The following GALNT10 variants were observed in gnomAD, a reference collection of about 807,000 sequenced individuals.
GALNT10 encodes the protein polypeptide N-acetylgalactosaminyltransferase 10, also known as GalNAc transferase 10.
Under a neutral mutation model 75.0 loss-of-function variants are expected in GALNT10, and 41 were observed. The ratio of observed to expected loss-of-function variants is 0.55; its 90% CI spans 0.43 to 0.71. The LOEUF (loss-of-function observed/expected upper bound fraction) is 0.71, where lower values mean the gene tolerates loss of function less well. GALNT10 is among the 30% of genes least tolerant of loss of function. The probability of loss-of-function intolerance (pLI) is 0.00; values close to 1 mark genes in which losing one functional copy is unlikely to be tolerated. For synonymous variants in GALNT10, 302 were observed against 313.0 expected, an observed-to-expected ratio of 0.96 and a Z score of 0.37; for missense variants, 727 against 818.5, an observed-to-expected ratio of 0.89 and a Z score of 1.36.
At position 154,247,432 on chromosome 5, in the gene GALNT10, C is replaced by A. The variant is rs188144818; in HGVS notation, c.160-47384C>A. On this transcript the variant is annotated intron_variant, in intron 1 of 11. Coordinates refer to ENST00000297107, the MANE Select transcript of GALNT10 (RefSeq NM_198321.4). ...GCCATTTTCATGATAATTGATTCTT[C>A]CTACCCGTGAGCATGGAATGTTCTT... Among the ~76,000 whole-genome samples the A allele has an allele frequency of 2.2e-3, 328 of 152,302 alleles. 2 individuals are homozygous for A. In the South Asian group the frequency reaches 0.029, roughly 14 times the overall value.
At chr5:154,255,068 C>T (rs1442833178) in intron 1 of GALNT10, among the ~76,000 whole-genome samples, 1 of 152,088 alleles carries the variant, frequency 6.6e-6, no homozygotes, top group Non-Finnish European at 1.5e-5. Flanking sequence ...GTCTTCCTAC[C>T]TCAGACTCTC....
At chr5:154,372,004 A>G (rs779135196) in intron 4 of GALNT10, among the ~76,000 whole-genome samples, 1 of 152,226 alleles carries the variant, frequency 6.6e-6, no homozygotes, top group Non-Finnish European at 1.5e-5. Context: ...CAAGAGACAT[A>G]AAGCTAAAGG....
chr5:154,249,569 C>A (rs551102256), intron 1 of GALNT10, among the ~76,000 whole-genome samples: 4 of 152,098 alleles, frequency 2.6e-5, no homozygotes, highest in African/African-American at 9.7e-5. Flanking sequence ...CAGCCCCCCC[C>A]AGTAACTTGT....
At chr5:154,257,480 C>T (rs756303616) in intron 1 of GALNT10, among the ~76,000 whole-genome samples, 6 of 152,110 alleles carry the variant, frequency 3.9e-5, no homozygotes, top group Non-Finnish European at 7.4e-5. Context: ...AGAAACTTGT[C>T]TCAAAGTGGC....
chr5:154,380,388 G>A lies in GALNT10; in HGVS notation c.755-60G>A, dbSNP rs1755714779. 6 of 1,300,186 alleles carry A rather than the reference G, an allele frequency of 4.6e-6. No individual in the cohort carries two copies. The Admixed American group carries it at 1.0e-4, about 23-fold the overall frequency. The allele number at this position is 1,300,186 out of a possible 1,614,324, so 80.5% of individuals were successfully genotyped here. On this transcript the variant is annotated intron_variant, in intron 5 of 11. Transcript: ENST00000297107. ...ATACAAGTAAGCTGCAGAACAGGAT[G>A]GTGCACTTAGCTGCTTCCCCATCCT... is the stretch of plus-strand genomic sequence containing the variant.
chr5:154,274,125 G>C (rs1753914363), intron 1 of GALNT10, among the ~76,000 whole-genome samples: 1 of 152,204 alleles, frequency 6.6e-6, no homozygotes, highest in Admixed American at 6.5e-5. Flanking sequence ...GCCCTTTGGA[G>C]AGTCAACAGT....
At chr5:154,279,968 G>C (rs1015319874) in intron 1 of GALNT10, among the ~76,000 whole-genome samples, 8 of 152,122 alleles carry the variant, frequency 5.3e-5, no homozygotes, top group Admixed American at 2.0e-4. Flanking sequence ...AGAGACATCT[G>C]TACTCTCATG....
Position 154,409,187 on chromosome 5 carries a change from A to G in GALNT10, c.1165-354A>G, listed in dbSNP as rs1756343525. Among the ~76,000 whole-genome samples the G allele has an allele frequency of 6.6e-6, 1 of 152,196 alleles. No homozygotes were observed. The highest frequency in any genetic ancestry group is 2.1e-4 in the South Asian group (1 of 4,826). ...CAGCCCCTGCACCGGGGGCGCCTGT[A>G]TTCACATTAGCTAGGCTGGGTCCAT... On this transcript the variant is annotated intron_variant, in intron 8 of 11. Transcript: ENST00000297107. The surrounding 1 kb of genome is among the most constrained non-coding windows in gnomAD (Gnocchi z 4.5).
At chr5:154,394,667 C>T (rs888015420) in intron 7 of GALNT10, among the ~76,000 whole-genome samples, 1 of 152,312 alleles carries the variant, frequency 6.6e-6, no homozygotes, top group Admixed American at 6.5e-5. Flanking sequence ...TAAGTTGCCA[C>T]ACAGGAGGGA....
chr5:154,362,342 G>A (rs916558187), intron 4 of GALNT10, among the ~76,000 whole-genome samples: 2 of 152,046 alleles, frequency 1.3e-5, no homozygotes, highest in Admixed American at 6.5e-5. Flanking sequence ...CCCAGCCCAC[G>A]TTGCCTCACA....
At chr5:154,281,864 C>T (rs907309723) in intron 1 of GALNT10, among the ~76,000 whole-genome samples, 2 of 152,150 alleles carry the variant, frequency 1.3e-5, no homozygotes, top group African/African-American at 2.4e-5. Context: ...GGAGGCACCT[C>T]GTGGTCCATC....
intron 1 of GALNT10, among the ~76,000 whole-genome samples, chr5:154,249,747 A>G (rs1371093980): frequency 6.6e-6 from 1 of 152,172 alleles, no homozygotes; most frequent in Non-Finnish European, 1.5e-5. Context: ...CAAAACTTCT[A>G]CTAAAGTAGC....
chr5:154,253,748 A>G (rs543852991), intron 1 of GALNT10, among the ~76,000 whole-genome samples: 16 of 138,862 alleles, frequency 1.2e-4, no homozygotes, highest in African/African-American at 4.3e-4. Flanking sequence ...GTATTAAAAA[A>G]CATGGTGGCT....
Position 154,417,158 on chromosome 5 carries a change from T to A in GALNT10, c.*186T>A. The A allele has an allele frequency of 1.7e-6, 1 of 598,674 alleles. No individual in the cohort carries two copies. Among genetic ancestry groups the A allele is most frequent in the Non-Finnish European group, 3.0e-6 (1 of 337,202 alleles). 37.1% of individuals were successfully genotyped at this position (598,674 alleles called of 1,614,324 possible). A position where few individuals can be genotyped will look rare whatever the true frequency, so the allele number is the denominator to read the frequency against. ...TCCTTGAGCCCCTGAGTTGTGGGGG[T>A]AGGGTGAAGAGCATATCCCACAAGA... On this transcript the variant is annotated 3_prime_UTR_variant, in exon 12 of 12. Coordinates refer to ENST00000297107, the MANE Select transcript of GALNT10 (RefSeq NM_198321.4).
intron 1 of GALNT10, among the ~76,000 whole-genome samples, chr5:154,222,594 GTC>G (rs1752999508): frequency 6.6e-6 from 1 of 152,296 alleles, no homozygotes; most frequent in East Asian, 1.9e-4. Flanking sequence ...GTGTATAAGA[GTC>G]TGGCTGCTCC....
At chr5:154,361,698 A>G (rs574990785) in intron 4 of GALNT10, among the ~76,000 whole-genome samples, 1 of 152,242 alleles carries the variant, frequency 6.6e-6, no homozygotes, top group Admixed American at 6.5e-5. Flanking sequence ...CATAGGTATT[A>G]AAAGAGGCCA....
chr5:154,241,058 G>C (rs1259041210), intron 1 of GALNT10, among the ~76,000 whole-genome samples: 1 of 152,232 alleles, frequency 6.6e-6, no homozygotes, highest in East Asian at 1.9e-4. Flanking sequence ...CTCTTGCTCA[G>C]ATTTGGAGCC....
chr5:154,255,097 C>T (rs1414652765), intron 1 of GALNT10, among the ~76,000 whole-genome samples: 2 of 152,110 alleles, frequency 1.3e-5, no homozygotes, highest in African/African-American at 4.8e-5. Flanking sequence ...GGGATACAGG[C>T]ATGAGTCACC....
At chr5:154,225,513 C>T (rs1202234747) in intron 1 of GALNT10, among the ~76,000 whole-genome samples, 1 of 152,034 alleles carries the variant, frequency 6.6e-6, no homozygotes, top group Non-Finnish European at 1.5e-5. Flanking sequence ...AACTCAGCCT[C>T]CTGAGTAGCT....
Sources: gnomAD v4.1 joint callset for allele counts (sites outside exome capture counted in the v4.1 genomes callset) on GRCh38, gnomAD v4.1.1 for gene constraint, Gnocchi (gnomAD v3.1) non-coding constraint, MANE v1.5 for transcripts, NCBI Gene and HGNC (gene_info 2026-07-23, HGNC 2026-07-21) for gene names.